The following CHD6 variants were observed in gnomAD, a reference collection of about 807,000 sequenced individuals.
The protein encoded by CHD6 is chromodomain helicase DNA binding protein 6.
Under a neutral mutation model 276.9 loss-of-function variants are expected in CHD6, and 50 were observed. The observed-to-expected ratio is 0.18, with a 90% CI of 0.14 to 0.23. The LOEUF (loss-of-function observed/expected upper bound fraction) is 0.23, where lower values mean the gene tolerates loss of function less well. CHD6 is among the 10% of genes least tolerant of loss of function. The pLI, the probability that CHD6 is intolerant of heterozygous loss-of-function variation, is 1.00. For synonymous variants in CHD6, 1,173 were observed against 1,229.3 expected (o/e 0.95, Z 0.96); for missense variants, 2,564 against 3,365.8 (o/e 0.76, Z 5.89).
At chr20:41,579,308 C>T (rs1295346310) in intron 1 of CHD6, among the ~76,000 whole-genome samples, 1 of 148,932 alleles carries the variant, frequency 6.7e-6, no homozygotes, top group Non-Finnish European at 1.5e-5. Flanking sequence ...CGTGGTGGCT[C>T]ACGCCTGTAA....
chr20:41,587,838 AC>A lies in CHD6; in HGVS notation c.-24+30501del, dbSNP rs993953085. On this transcript the variant is annotated intron_variant, in intron 1 of 36. Transcript: ENST00000373233. ...TGTAGTGAAAAACAAACCAAAAAAA[AC>A]CCAAAAAAACCCTGCTGGGCAAAAT... is the stretch of plus-strand genomic sequence containing the variant. Among the ~76,000 whole-genome samples the A allele has an allele frequency of 9.1e-4, 135 of 148,568 alleles. 1 individual carries two copies. The highest frequency in any genetic ancestry group is 3.1e-3 in the African/African-American group (121 of 39,612).
intron 5 of CHD6, among the ~76,000 whole-genome samples, chr20:41,506,888 ATG>A (rs1362037536): frequency 6.6e-6 from 1 of 152,232 alleles, no homozygotes; most frequent in Middle Eastern, 3.2e-3. Context: ...TGAATAAATA[ATG>A]TTAGGAGATT....
intron 27 of CHD6, among the ~76,000 whole-genome samples, chr20:41,432,160 C>CAAAAAAAAAAAAAAAAAAAA (rs572447937): frequency 1.7e-5 from 1 of 58,974 alleles, no homozygotes; most frequent in Non-Finnish European, 3.9e-5. Context: ...AACTCCGTCT[C>CAAAAAAAAAAAAAAAAAAAA]AAAAAAAAAA....
intron 1 of CHD6, among the ~76,000 whole-genome samples, chr20:41,555,928 C>T (rs532428534): frequency 2.0e-5 from 3 of 152,158 alleles, no homozygotes; most frequent in South Asian, 2.1e-4. Flanking sequence ...TGTAGCGAGC[C>T]GAGATCACGC....
At chr20:41,612,286 A>G (rs921989976) in intron 1 of CHD6, among the ~76,000 whole-genome samples, 4 of 152,084 alleles carry the variant, frequency 2.6e-5, no homozygotes, top group African/African-American at 9.7e-5. Flanking sequence ...ATTTTTTTAC[A>G]TTTTTACACT....
At position 41,420,921 on chromosome 20, in the gene CHD6, T is replaced by C; in HGVS notation, c.5714A>G (p.Asn1905Ser). The C allele has an allele frequency of 6.2e-7, 1 of 1,614,212 alleles. No individual in the cohort carries two copies. The highest frequency in any genetic ancestry group is 8.5e-7 in the Non-Finnish European group (1 of 1,180,042). The change falls in exon 31 of 37, where the codon AAC becomes AGC. Residue 1905 changes from asparagine (N) to serine (S), a missense_variant. Asn to Ser is a conservative substitution (Grantham distance 46). Transcript: ENST00000373233. ...EPTTNISREK[N>S]QGFQDETKKG... ...CTTGGTTTCATCTTGGAAGCCTTGGTTCTTTTCCCTTGAGATGTTAGTAGT... is the reference window on the plus strand; with the variant it reads ...CTTGGTTTCATCTTGGAAGCCTTGGCTCTTTTCCCTTGAGATGTTAGTAGT...
In CHD6 at chr20:41,420,835, C is replaced by T; in HGVS notation, c.5800G>A (p.Ala1934Thr). 1 of 1,614,212 alleles carries T rather than the reference C, an allele frequency of 6.2e-7. No individual in the cohort carries two copies. Among genetic ancestry groups the T allele is most frequent in the Non-Finnish European group, 8.5e-7 (1 of 1,180,036 alleles). ...TGTTTGCAGTGGCACTGACAGGCTG[C>T]TGGAGCGGGGAAAGCCCTCTGTAGC... ...PGLQRAFPAP[A>T]ACQCHCKHME... Residue 1934 changes from alanine (A) to threonine (T), a missense_variant, in exon 31 of 37, where the codon GCA becomes ACA. By Grantham distance (58) the Ala-to-Thr change is moderately conservative. Coordinates refer to ENST00000373233, the MANE Select transcript of CHD6 (RefSeq NM_032221.5).
intron 17 of CHD6, among the ~76,000 whole-genome samples, chr20:41,461,373 A>G (rs2048542430): frequency 1.3e-5 from 2 of 152,176 alleles, no homozygotes; most frequent in Admixed American, 1.3e-4. Context: ...CCATCCAAAT[A>G]TCAACTTGAA....
intron 1 of CHD6, among the ~76,000 whole-genome samples, chr20:41,591,555 T>C (rs187809245): frequency 6.6e-6 from 1 of 152,002 alleles, no homozygotes; most frequent in East Asian, 1.9e-4. Context: ...TAGCTGGGCA[T>C]GGTAGCGTGT....
chr20:41,491,656 T>TA (rs1269716829), intron 11 of CHD6, 42 bp downstream of exon 11: 2 of 1,612,462 alleles, frequency 1.2e-6, no homozygotes, highest in African/African-American at 2.7e-5. Flanking sequence ...GGCAATAATA[T>TA]ACCTCTGGGT....
At chr20:41,538,404 C>T (rs771079004) in intron 2 of CHD6, among the ~76,000 whole-genome samples, 1 of 152,070 alleles carries the variant, frequency 6.6e-6, no homozygotes, top group East Asian at 1.9e-4. Flanking sequence ...AAACATGCTA[C>T]ACCATGGATA....
At chr20:41,613,320 G>A (rs2045906382) in intron 1 of CHD6, among the ~76,000 whole-genome samples, 1 of 152,212 alleles carries the variant, frequency 6.6e-6, no homozygotes, top group African/African-American at 2.4e-5. Flanking sequence ...GAATTAGTAA[G>A]AAGCAGTATT....
At chr20:41,555,494 G>C (rs1360000302) in intron 1 of CHD6, among the ~76,000 whole-genome samples, 2 of 151,516 alleles carry the variant, frequency 1.3e-5, no homozygotes, top group African/African-American at 2.4e-5. Flanking sequence ...GCCGGGCGGA[G>C]GGGCTCCTCA....
chr20:41,596,139 G>A (rs1003279910), intron 1 of CHD6, among the ~76,000 whole-genome samples: 24 of 152,142 alleles, frequency 1.6e-4, no homozygotes, highest in South Asian at 6.2e-4. Context: ...TGGAGTAGTC[G>A]CCCAAACATG....
chr20:41,494,326 C>G (rs554017010), intron 8 of CHD6, among the ~76,000 whole-genome samples: 1 of 152,260 alleles, frequency 6.6e-6, no homozygotes, highest in East Asian at 1.9e-4. Context: ...TGGCAGGGGG[C>G]ATGAGGGAAG....
At chr20:41,590,208 C>G (rs989282320) in intron 1 of CHD6, among the ~76,000 whole-genome samples, 3 of 152,022 alleles carry the variant, frequency 2.0e-5, no homozygotes, top group African/African-American at 7.2e-5. Context: ...TATACAAATA[C>G]GAATTCAAGA....
intron 1 of CHD6, among the ~76,000 whole-genome samples, chr20:41,580,011 C>T (rs2045519224): frequency 6.6e-6 from 1 of 152,148 alleles, no homozygotes; most frequent in Non-Finnish European, 1.5e-5. Context: ...CTATTATCAC[C>T]TCATACTTGG....
chr20:41,611,179 T>C (rs908866880), intron 1 of CHD6, among the ~76,000 whole-genome samples: 4 of 152,234 alleles, frequency 2.6e-5, no homozygotes, highest in African/African-American at 4.8e-5. Flanking sequence ...ATTTTTATTA[T>C]ACGGCTTGCT....
At chr20:41,575,312 T>C (rs1391592876) in intron 1 of CHD6, among the ~76,000 whole-genome samples, 1 of 152,254 alleles carries the variant, frequency 6.6e-6, no homozygotes, top group East Asian at 1.9e-4. Flanking sequence ...CCTTGCTTTG[T>C]ACATTTTGTT....
Sources: allele counts gnomAD v4.1 joint callset (sites outside exome capture counted in the v4.1 genomes callset), GRCh38; gene constraint gnomAD v4.1.1; transcripts MANE v1.5; gene names NCBI Gene and HGNC (gene_info 2026-07-23, HGNC 2026-07-21).